Variants in KIAA0513 observed in about 807,000 individuals in gnomAD.
The protein encoded by KIAA0513 is KIAA0513, also known as uncharacterized protein KIAA0513.
KIAA0513 carries 39 observed loss-of-function variants against 56.5 expected under a neutral mutation model. The ratio of observed to expected loss-of-function variants is 0.69; its 90% CI spans 0.53 to 0.90. The LOEUF (loss-of-function observed/expected upper bound fraction) is 0.90. KIAA0513 is among the 40% of genes least tolerant of loss of function. KIAA0513 has a pLI of 0.00. For missense variants in KIAA0513, 591 were observed against 535.2 expected (o/e 1.10, Z -1.03); for synonymous variants, 268 against 215.6 (o/e 1.24, Z -2.13).
chr16:85,059,889 T>A (rs1467638368), intron 1 of KIAA0513, among the ~76,000 whole-genome samples: 1 of 152,224 alleles, frequency 6.6e-6, no homozygotes, highest in African/African-American at 2.4e-5. Context: ...AGAGCAATTC[T>A]CCTTCACATT....
At chr16:85,052,630 C>T (rs9936850) in intron 1 of KIAA0513, among the ~76,000 whole-genome samples, 61,330 of 152,022 alleles carry the variant, frequency 0.4, 13,878 homozygotes, top group African/African-American at 0.61. Flanking sequence ...AACCACAGTA[C>T]TGCTGTGGAA....
At chr16:85,060,719 C>T (rs2073391953) in intron 1 of KIAA0513, among the ~76,000 whole-genome samples, 1 of 151,866 alleles carries the variant, frequency 6.6e-6, no homozygotes, top group Non-Finnish European at 1.5e-5. Context: ...TAGCACATGC[C>T]TATAGTCCCA....
intron 1 of KIAA0513, among the ~76,000 whole-genome samples, chr16:85,045,169 C>G (rs539426732): frequency 2.6e-5 from 4 of 152,202 alleles, no homozygotes; most frequent in Non-Finnish European, 5.9e-5. Flanking sequence ...TGTCCCTCAT[C>G]ATGTCAATGG....
chr16:85,065,006 G>A (rs573936239), intron 1 of KIAA0513, among the ~76,000 whole-genome samples: 10 of 152,324 alleles, frequency 6.6e-5, no homozygotes, highest in Admixed American at 2.6e-4. Flanking sequence ...TTCCTCTTGC[G>A]TGCCTTGCCT....
chr16:85,062,344 A>G (rs748868412), intron 1 of KIAA0513, among the ~76,000 whole-genome samples: 6 of 152,144 alleles, frequency 3.9e-5, no homozygotes, highest in Non-Finnish European at 5.9e-5. Flanking sequence ...GCAGAATCTC[A>G]TAAGGGCTTT....
chr16:85,065,321 G>A (rs908922101), intron 1 of KIAA0513, among the ~76,000 whole-genome samples: 1 of 152,296 alleles, frequency 6.6e-6, no homozygotes, highest in Non-Finnish European at 1.5e-5. Context: ...GACCCCGACC[G>A]GCCACTCCTT....
In KIAA0513 at chr16:85,076,285, G is replaced by A. The variant is rs1285910884; in HGVS notation, c.574+371G>A. 6.6e-6 allele frequency among the ~76,000 whole-genome samples: 1 copy of A among 152,216 alleles called. No homozygotes were observed. The highest frequency in any genetic ancestry group is 1.5e-5 in the Non-Finnish European group (1 of 68,034). ...TGTTTTACCAAAACAAGACGACACA[G>A]TTGGTTGTTGGAGGGTGGTGGGGAG... is the stretch of plus-strand genomic sequence containing the variant. On this transcript the variant is annotated intron_variant, in intron 5 of 12. Transcript: ENST00000683363. This position sits in a 1 kb window ranked among gnomAD's most constrained non-coding sequence, Gnocchi z 4.7.
intron 1 of KIAA0513, among the ~76,000 whole-genome samples, chr16:85,035,870 C>T (rs544434129): frequency 6.6e-6 from 1 of 150,790 alleles, no homozygotes; most frequent in East Asian, 2.0e-4. Flanking sequence ...AGTCCAGCTA[C>T]TTGGGAGGCT....
intron 1 of KIAA0513, among the ~76,000 whole-genome samples, chr16:85,057,314 A>G (rs2073343552): frequency 6.6e-6 from 1 of 152,204 alleles, no homozygotes; most frequent in Non-Finnish European, 1.5e-5. Context: ...CAGTTACAAA[A>G]TAAATCAGCA....
intron 2 of KIAA0513, among the ~76,000 whole-genome samples, chr16:85,070,537 G>C (rs900746592): frequency 6.6e-6 from 1 of 152,156 alleles, no homozygotes; most frequent in African/African-American, 2.4e-5. Flanking sequence ...AATTAGCTGG[G>C]CGTGGTGGCA....
intron 7 of KIAA0513, 94 bp from the exon 8 acceptor site, chr16:85,078,831 G>A: frequency 7.5e-7 from 1 of 1,335,900 alleles, no homozygotes; most frequent in East Asian, 2.3e-5. Flanking sequence ...TGACATTCGG[G>A]GAGAAACTGG....
At position 85,093,534 on chromosome 16, in the gene KIAA0513, C is replaced by G. The variant is rs990495240; in HGVS notation, c.*5209C>G. The stretch of plus-strand genomic sequence containing the variant: ...AAAGGGGATGCCTGTCAGTAAATCC[C>G]CTGTGCATTGACTAGAACTGGGGGG... On this transcript the variant is annotated 3_prime_UTR_variant, in exon 13 of 13. Coordinates refer to ENST00000683363, the MANE Select transcript of KIAA0513 (RefSeq NM_001388359.1). 4.6e-5 allele frequency: 7 copies of G among 152,642 alleles called. No individual in the cohort carries two copies. The highest frequency in any genetic ancestry group is 2.6e-4 in the Admixed American group (4 of 15,288). 9.5% of individuals were successfully genotyped at this position (152,642 alleles called of 1,614,324 possible). A position where few individuals can be genotyped will look rare whatever the true frequency, so the allele number is the denominator to read the frequency against.
rs749780477 is a variant in KIAA0513 at position 85,067,349 on chromosome 16, T to C, written c.278T>C (p.Leu93Pro). ...STESTQDEET[L>P]ALRDFMRGYV... ...GAGTCTACCCAGGATGAAGAGACCC[T>C]GGCACTCAGGGACTTCATGCGTGGC... The change falls in exon 2 of 13, where the codon CTG (leucine) becomes CCG (proline). Residue 93 changes from leucine (L) to proline (P), a missense_variant. Physicochemically the swap from Leu to Pro is moderately conservative, Grantham distance 98. Transcript: ENST00000683363. 11 of 1,610,018 alleles carry C rather than the reference T, an allele frequency of 6.8e-6. No homozygotes were observed. The highest frequency in any genetic ancestry group is 5.9e-6 in the Non-Finnish European group (7 of 1,180,016).
intron 1 of KIAA0513, among the ~76,000 whole-genome samples, chr16:85,054,557 G>A (rs1335339136): frequency 6.6e-6 from 1 of 151,356 alleles, no homozygotes; most frequent in African/African-American, 2.4e-5. Context: ...AGCCTCCCAA[G>A]TAGCTGGGAT....
intron 1 of KIAA0513, among the ~76,000 whole-genome samples, chr16:85,055,181 C>T (rs558446127): frequency 6.6e-6 from 1 of 152,242 alleles, no homozygotes; most frequent in African/African-American, 2.4e-5. Flanking sequence ...GCCTTGGCCT[C>T]TCAAAGTGCT....
At chr16:85,043,201 C>T (rs1266599046) in intron 1 of KIAA0513, among the ~76,000 whole-genome samples, 1 of 151,980 alleles carries the variant, frequency 6.6e-6, no homozygotes, top group Admixed American at 6.6e-5. Context: ...CTTGTGAGGA[C>T]CTACTAAAAC....
Position 85,072,914 on chromosome 16 carries a change from T to C in KIAA0513, c.430-11T>C. On this transcript the variant is annotated splice_polypyrimidine_tract_variant and intron_variant, in intron 3 of 12. Transcript: ENST00000683363. The stretch of plus-strand genomic sequence containing the variant: ...TGAACCTCAATGATGTGTCTGCCTC[T>C]TTCTGGACAGCGCTGCAACTCCAAG... 5 of 1,614,058 alleles carry C rather than the reference T, an allele frequency of 3.1e-6. No individual in the cohort carries two copies. The highest frequency in any genetic ancestry group is 4.2e-6 in the Non-Finnish European group (5 of 1,179,900).
At chr16:85,086,542 G>A (rs1268992044) in intron 10 of KIAA0513, 102 bp from the exon 11 acceptor site, 19 of 1,126,220 alleles carry the variant, frequency 1.7e-5, no homozygotes, top group South Asian at 2.6e-5. Flanking sequence ...GGTGGGGGCC[G>A]TACATGGGTG....
Position 85,092,469 on chromosome 16 carries a change from G to A in KIAA0513, c.*4144G>A, listed in dbSNP as rs1268685581. ...TGGCCCAGCCCCAGCCTCAGGGACGGGGAGGGAGAGCCCCCTCTGGGCCCA... is the reference window on the plus strand; with the variant it reads ...TGGCCCAGCCCCAGCCTCAGGGACGAGGAGGGAGAGCCCCCTCTGGGCCCA... On this transcript the variant is annotated 3_prime_UTR_variant, in exon 13 of 13. Coordinates refer to ENST00000683363, the MANE Select transcript of KIAA0513 (RefSeq NM_001388359.1). 6.6e-6 allele frequency: 1 copy of A among 152,196 alleles called. No individual in the cohort carries two copies. Among genetic ancestry groups the A allele is most frequent in the Non-Finnish European group, 1.5e-5 (1 of 68,034 alleles). 9.4% of individuals were successfully genotyped at this position (152,196 alleles called of 1,614,324 possible).
Sources: allele counts gnomAD v4.1 joint callset (sites outside exome capture counted in the v4.1 genomes callset), GRCh38; gene constraint gnomAD v4.1.1; non-coding constraint Gnocchi (gnomAD v3.1); transcripts MANE v1.5; gene names NCBI Gene and HGNC (gene_info 2026-07-23, HGNC 2026-07-21).